The following CYP3A4 variants were observed in gnomAD, a reference collection of about 807,000 sequenced individuals.
CYP3A4 encodes cytochrome P450 3A4.
A neutral mutation model predicts 54.9 loss-of-function variants in CYP3A4; 41 were observed. The observed-to-expected ratio is 0.75, with a 90% CI of 0.58 to 0.97. The LOEUF (loss-of-function observed/expected upper bound fraction) is 0.97, where lower values mean the gene tolerates loss of function less well. CYP3A4 is among the 50% of genes least tolerant of loss of function. The probability of loss-of-function intolerance (pLI) is 0.00; values close to 1 mark genes in which losing one functional copy is unlikely to be tolerated. For synonymous variants in CYP3A4, 179 were observed against 205.2 expected, an observed-to-expected ratio of 0.87 and a Z score of 1.09; for missense variants, 510 against 597.3, an observed-to-expected ratio of 0.85 and a Z score of 1.52.
At chr7:99,783,931 A>G in intron 1 of CYP3A4, 80 bp downstream of exon 1, 1 of 1,489,486 alleles carries the variant, frequency 6.7e-7, no homozygotes, top group Non-Finnish European at 9.4e-7. Context: ...TTGATCTTCA[A>G]AACAGATAAG....
chr7:99,759,379 C>A (rs1221379341), intron 12 of CYP3A4, among the ~76,000 whole-genome samples: 2 of 151,922 alleles, frequency 1.3e-5, no homozygotes, highest in African/African-American at 2.4e-5. Flanking sequence ...TTTTCAAAAA[C>A]CCTGAATATA....
At chr7:99,769,151 T>A (rs1461074334) in intron 6 of CYP3A4, among the ~76,000 whole-genome samples, 1 of 152,192 alleles carries the variant, frequency 6.6e-6, no homozygotes, top group Non-Finnish European at 1.5e-5. Context: ...ATTTCTATAG[T>A]GAGTGACCAC....
At chr7:99,769,671 T>C in intron 6 of CYP3A4, 97 bp downstream of exon 6, 1 of 1,447,596 alleles carries the variant, frequency 6.9e-7, no homozygotes. Context: ...TTTTGTCTGG[T>C]CACTGGAATA....
In CYP3A4 at chr7:99,768,488, T is replaced by G. The variant is rs773989431; in HGVS notation, c.536A>C (p.Tyr179Ser). 4 of 1,613,908 alleles carry G rather than the reference T, an allele frequency of 2.5e-6. No individual in the cohort carries two copies. The highest frequency in any genetic ancestry group is 2.5e-6 in the Non-Finnish European group (3 of 1,179,908). The change falls in exon 7 of 13, where the codon TAC becomes TCC. Residue 179 changes from tyrosine (Y) to serine (S), a missense_variant. Around this residue, in one of 2 missense-constraint regions of CYP3A4, gnomAD observed 272 missense variants for 274.9 expected, o/e 0.99. Coordinates refer to ENST00000651514, the MANE Select transcript of CYP3A4 (RefSeq NM_017460.6). ...PVTLKDVFGA[Y>S]SMDVITSTSF... is the part of the protein sequence containing the mutation. ...TGTGCTAGTGATCACATCCATGCTG[T>G]AGGCCCCAAAGACGCTGAGTGGAGA...
At chr7:99,769,985 T>TA (rs1815587208) in intron 5 of CYP3A4, 129 bp from the exon 6 acceptor site, 1 of 1,561,562 alleles carries the variant, frequency 6.4e-7, no homozygotes, top group Non-Finnish European at 8.8e-7. Context: ...TTTCTGTACA[T>TA]AAAGATAAAA....
intron 8 of CYP3A4, 143 bp from the exon 9 acceptor site, chr7:99,766,586 T>A: frequency 1.0e-6 from 1 of 976,572 alleles, no homozygotes. Flanking sequence ...GAATCACCAG[T>A]GAAAAACATA....
At chr7:99,772,222 TCTA>T (rs1461032724) in intron 4 of CYP3A4, among the ~76,000 whole-genome samples, 1 of 152,156 alleles carries the variant, frequency 6.6e-6, no homozygotes, top group Non-Finnish European at 1.5e-5. Flanking sequence ...ATTGCACAAA[TCTA>T]CTAATGATGT....
At chr7:99,762,377 G>T (rs536774034) in intron 10 of CYP3A4, 110 bp from the exon 11 acceptor site, 4 of 1,374,302 alleles carry the variant, frequency 2.9e-6, no homozygotes, top group East Asian at 5.0e-5. Context: ...ACTCATACTG[G>T]TAAAGGATCG....
intron 11 of CYP3A4, among the ~76,000 whole-genome samples, chr7:99,761,247 G>C (rs1229198334): frequency 2.0e-5 from 3 of 152,190 alleles, no homozygotes; most frequent in Non-Finnish European, 4.4e-5. Context: ...TCTAAACACT[G>C]AAATTATATT....
At chr7:99,775,639 A>G (rs1815750856) in intron 3 of CYP3A4, among the ~76,000 whole-genome samples, 1 of 152,198 alleles carries the variant, frequency 6.6e-6, no homozygotes, top group South Asian at 2.1e-4. Context: ...GCCTAGCCAT[A>G]TGCAGAAAAT....
At position 99,757,966 on chromosome 7, in the gene CYP3A4, C is replaced by T. The variant is rs1202769766; in HGVS notation, c.*167G>A. On this transcript the variant is annotated 3_prime_UTR_variant, in exon 13 of 13. Coordinates refer to ENST00000651514, the MANE Select transcript of CYP3A4 (RefSeq NM_017460.6). ...ATATTCCCAAGTATAACACTCTACA[C>T]AGACAATGAGAGAGCTCAATGCATG... 4.9e-6 allele frequency: 3 copies of T among 615,386 alleles called. No individual in the cohort carries two copies. The highest frequency in any genetic ancestry group is 8.6e-6 in the Non-Finnish European group (3 of 348,014). 38.1% of individuals were successfully genotyped at this position (615,386 alleles called of 1,614,324 possible). A position where few individuals can be genotyped will look rare whatever the true frequency, so the allele number is the denominator to read the frequency against.
chr7:99,763,847 C>A lies in CYP3A4; in HGVS notation c.1026+8G>T. ...TCCTCCCTCCTTCTCCATGTACCAT[C>A]CACTCACCTTATTGGGTAAAACTGC... On this transcript the variant is annotated splice_region_variant and intron_variant, in intron 10 of 12. Coordinates refer to ENST00000651514, the MANE Select transcript of CYP3A4 (RefSeq NM_017460.6). The A allele has an allele frequency of 6.2e-7, 1 of 1,613,926 alleles. No homozygotes were observed. Among genetic ancestry groups the A allele is most frequent in the East Asian group, 2.2e-5 (1 of 44,810 alleles).
At chr7:99,762,571 C>CAT (rs996891632) in intron 10 of CYP3A4, among the ~76,000 whole-genome samples, 2 of 151,770 alleles carry the variant, frequency 1.3e-5, no homozygotes, top group African/African-American at 4.8e-5. Flanking sequence ...TACACACACA[C>CAT]ATATATATGT....
At position 99,762,189 on chromosome 7, in the gene CYP3A4, T is replaced by C. The variant is rs145669559; in HGVS notation, c.1105A>G (p.Ile369Val). ...VVNETLRLFP[I>V]AMRLERVCKK... is the part of the protein sequence containing the mutation. ...CAGACCCTCTCAAGTCTCATAGCAA[T>C]TGGGAATAATCTGAGCGTTTCATTC... Residue 369 changes from isoleucine (I) to valine (V), a missense_variant, in exon 11 of 13, where the codon ATT becomes GTT. This residue lies in a region of CYP3A4 where 238 missense variants were observed against 322.5 expected (regional missense o/e 0.74). Coordinates refer to ENST00000651514, the MANE Select transcript of CYP3A4 (RefSeq NM_017460.6). 111 of 1,614,014 alleles carry C rather than the reference T, an allele frequency of 6.9e-5. 1 individual carries two copies. The African/African-American group carries it at 8.1e-4, about 12-fold the overall frequency.
At chr7:99,779,666 G>A (rs112007317) in intron 2 of CYP3A4, among the ~76,000 whole-genome samples, 1 of 145,860 alleles carries the variant, frequency 6.9e-6, no homozygotes, top group African/African-American at 2.8e-5. Flanking sequence ...TACTAACTAA[G>A]TATGACTGTA....
chr7:99,762,561 TACAC>T (rs964311352), intron 10 of CYP3A4, among the ~76,000 whole-genome samples: 7 of 151,660 alleles, frequency 4.6e-5, no homozygotes, highest in African/African-American at 1.2e-4. Context: ...CACACACACA[TACAC>T]ACACACATAT....
At chr7:99,759,073 G>C (rs1008194983) in intron 12 of CYP3A4, among the ~76,000 whole-genome samples, 1 of 152,132 alleles carries the variant, frequency 6.6e-6, no homozygotes, top group African/African-American at 2.4e-5. Context: ...TGTGCCAGAG[G>C]ACCACTTTTA....
intron 11 of CYP3A4, 38 bp from the exon 12 acceptor site, chr7:99,761,019 C>A: frequency 2.5e-6 from 4 of 1,606,828 alleles, no homozygotes; most frequent in Non-Finnish European, 3.4e-6. Flanking sequence ...AAGTTAATGA[C>A]ATAATACCCC....
chr7:99,760,207 T>G (rs1563038463), intron 12 of CYP3A4, among the ~76,000 whole-genome samples: 1 of 152,144 alleles, frequency 6.6e-6, no homozygotes, highest in African/African-American at 2.4e-5. Flanking sequence ...ACCTGGAAGG[T>G]GAGGTCAGTC....
Sources: gnomAD v4.1 joint callset for allele counts (sites outside exome capture counted in the v4.1 genomes callset) on GRCh38, gnomAD v4.1.1 for gene constraint, gnomAD v4.1.1 regional missense constraint, MANE v1.5 for transcripts, NCBI Gene and HGNC (gene_info 2026-07-23, HGNC 2026-07-21) for gene names.